Variants in KCNB2 observed in about 807,000 individuals in gnomAD.
KCNB2 encodes the protein delayed rectifier potassium channel protein.
In KCNB2, 15 loss-of-function variants were observed where a neutral mutation model predicts 61.5. The observed-to-expected ratio is 0.24, with a 90% CI of 0.16 to 0.38. The LOEUF (loss-of-function observed/expected upper bound fraction) is 0.38, where lower values mean the gene tolerates loss of function less well. KCNB2 is among the 10% of genes least tolerant of loss of function. The pLI is 1.00. For missense variants in KCNB2, 828 were observed against 1,125.2 expected (o/e 0.74, Z 3.78); for synonymous variants, 457 against 446.0 (o/e 1.02, Z -0.31).
At chr8:72,722,674 G>T (rs540536275) in intron 2 of KCNB2, among the ~76,000 whole-genome samples, 2 of 152,302 alleles carry the variant, frequency 1.3e-5, no homozygotes, top group East Asian at 3.9e-4. Context: ...TGGACAAAAT[G>T]GTTCTAGGCA....
chr8:72,577,172 C>A (rs7010388), intron 2 of KCNB2, among the ~76,000 whole-genome samples: 70,896 of 151,984 alleles, frequency 0.47, 20,110 homozygotes, highest in Non-Finnish European at 0.62. Flanking sequence ...TTACTAAGGA[C>A]AGGTACCTGA....
chr8:72,674,153 A>T (rs1330222880), intron 2 of KCNB2, among the ~76,000 whole-genome samples: 1 of 152,202 alleles, frequency 6.6e-6, no homozygotes, highest in Non-Finnish European at 1.5e-5. Context: ...CATAACTCTG[A>T]ACCCTAAGCG....
chr8:72,537,374 TCCGC>T lies in KCNB2; in HGVS notation c.-602_-599del, dbSNP rs1806126278. 7.3e-6 allele frequency: 1 copy of T among 136,804 alleles called. No individual in the cohort carries two copies. Among genetic ancestry groups the T allele is most frequent in the Admixed American group, 7.2e-5 (1 of 13,832 alleles). 8.5% of individuals were successfully genotyped at this position (136,804 alleles called of 1,614,324 possible). ...ACCCACCGCCCTCCGCCCTCCGCCC[TCCGC>T]CCCCGCGGCCGCCGCCGCCGCTGCG... On this transcript the variant is annotated 5_prime_UTR_variant, in exon 1 of 3. Transcript: ENST00000523207.
chr8:72,728,434 C>A lies in KCNB2; in HGVS notation c.579+160121C>A, dbSNP rs56713361. 2.1e-3 allele frequency among the ~76,000 whole-genome samples: 320 copies of A among 152,170 alleles called. 7 individuals carry two copies. The East Asian group carries it at 0.05, about 24-fold the overall frequency. ...TGATCTATACATTCATCTATAAGAG[C>A]TAGATTAATGAATAATCATTCAGGA... is the stretch of plus-strand genomic sequence containing the variant. On this transcript the variant is annotated intron_variant, in intron 2 of 2. Transcript: ENST00000523207.
At chr8:72,848,813 T>C (rs1810043384) in intron 2 of KCNB2, among the ~76,000 whole-genome samples, 2 of 152,208 alleles carry the variant, frequency 1.3e-5, no homozygotes, top group African/African-American at 4.8e-5. Context: ...CTTATTAAGA[T>C]TCAGGCACTG....
chr8:72,895,445 T>C (rs937301061), intron 2 of KCNB2, among the ~76,000 whole-genome samples: 1 of 152,150 alleles, frequency 6.6e-6, no homozygotes, highest in Non-Finnish European at 1.5e-5. Context: ...AGGAAATGGA[T>C]TGTCTCCTAG....
chr8:72,751,367 AC>A (rs1563579791), intron 2 of KCNB2: 1 of 152,222 alleles, frequency 6.6e-6, no homozygotes, highest in Non-Finnish European at 1.5e-5. Flanking sequence ...ATATTTCATT[AC>A]AATGTTATAG....
At chr8:72,622,581 T>G (rs965712479) in intron 2 of KCNB2, among the ~76,000 whole-genome samples, 2 of 152,080 alleles carry the variant, frequency 1.3e-5, no homozygotes, top group African/African-American at 4.8e-5. Context: ...ATACTTTAGG[T>G]AAATTAAAAA....
rs73687025 is a variant in KCNB2 at position 72,927,009 on chromosome 8, G to C, written c.580-8926G>C. ...AGCATCAGAATCACCTGGAGAACTTGTTAAAACACAGATTGCTGGGACTTT... is the reference window on the plus strand; with the variant it reads ...AGCATCAGAATCACCTGGAGAACTTCTTAAAACACAGATTGCTGGGACTTT... On this transcript the variant is annotated intron_variant, in intron 2 of 2. Coordinates refer to ENST00000523207, the MANE Select transcript of KCNB2 (RefSeq NM_004770.3). Among the ~76,000 whole-genome samples the C allele has an allele frequency of 4.7e-3, 719 of 152,296 alleles. 10 individuals carry two copies. Among genetic ancestry groups the C allele is most frequent in the African/African-American group, 0.016 (680 of 41,540 alleles).
At chr8:72,762,352 G>A (rs1168603061) in intron 2 of KCNB2, among the ~76,000 whole-genome samples, 2 of 152,196 alleles carry the variant, frequency 1.3e-5, no homozygotes, top group East Asian at 1.9e-4. Flanking sequence ...CTGCTGACAT[G>A]TTTAGACAAA....
chr8:72,920,439 C>T (rs962103523), intron 2 of KCNB2, among the ~76,000 whole-genome samples: 1 of 63,622 alleles, frequency 1.6e-5, no homozygotes, highest in Non-Finnish European at 3.7e-5. Flanking sequence ...CCCCTCTCCA[C>T]TATATCTATC....
chr8:72,745,674 G>A (rs1420962296), intron 2 of KCNB2, among the ~76,000 whole-genome samples: 1 of 152,006 alleles, frequency 6.6e-6, no homozygotes, highest in Non-Finnish European at 1.5e-5. Flanking sequence ...TTTTTAATGG[G>A]GTTTTATTAA....
intron 2 of KCNB2, among the ~76,000 whole-genome samples, chr8:72,826,858 C>T (rs1435010465): frequency 2.0e-5 from 3 of 152,214 alleles, no homozygotes; most frequent in African/African-American, 7.2e-5. Context: ...TGCCTTTGCA[C>T]AATTTCTGTG....
At chr8:72,785,364 G>A (rs1356520891) in intron 2 of KCNB2, among the ~76,000 whole-genome samples, 6 of 152,124 alleles carry the variant, frequency 3.9e-5, no homozygotes, top group Admixed American at 3.9e-4. Flanking sequence ...AATTGCCTAC[G>A]TTTGTGTTAT....
At chr8:72,779,850 T>A (rs1301831353) in intron 2 of KCNB2, among the ~76,000 whole-genome samples, 1 of 152,216 alleles carries the variant, frequency 6.6e-6, no homozygotes, top group Non-Finnish European at 1.5e-5. Flanking sequence ...AAATGACTGC[T>A]GCTTCCCAGT....
chr8:72,811,683 G>A (rs1809308347), intron 2 of KCNB2, among the ~76,000 whole-genome samples: 1 of 152,046 alleles, frequency 6.6e-6, no homozygotes, highest in Admixed American at 6.5e-5. Context: ...TCTCATAAAG[G>A]GTTGCAGCCT....
chr8:72,556,634 T>A (rs1258767717), intron 1 of KCNB2, among the ~76,000 whole-genome samples: 1 of 152,166 alleles, frequency 6.6e-6, no homozygotes, highest in Non-Finnish European at 1.5e-5. Flanking sequence ...GTCCAATTTT[T>A]AAATTAATTC....
rs1464106564 is a variant in KCNB2 at position 72,730,431 on chromosome 8, TCATG to T, written c.579+162120_579+162123del. On this transcript the variant is annotated intron_variant, in intron 2 of 2. Coordinates refer to ENST00000523207, the MANE Select transcript of KCNB2 (RefSeq NM_004770.3). ...AATCATATTAGGAAATAACAGTGTA[TCATG>T]CTTATCTTAATGATTGATTAATTAT... Among the ~76,000 whole-genome samples, 6 of 152,340 alleles carry T rather than the reference TCATG, an allele frequency of 3.9e-5. No homozygotes were observed. In the South Asian group the frequency reaches 1.2e-3, roughly 32 times the overall value.
intron 2 of KCNB2, among the ~76,000 whole-genome samples, chr8:72,835,960 G>C (rs1359203797): frequency 2.0e-5 from 3 of 152,086 alleles, no homozygotes; most frequent in Non-Finnish European, 4.4e-5. Context: ...CTTTTTCCTT[G>C]TCTTTTTGTA....
Sources: allele counts gnomAD v4.1 joint callset (sites outside exome capture counted in the v4.1 genomes callset), GRCh38; gene constraint gnomAD v4.1.1; transcripts MANE v1.5; gene names NCBI Gene and HGNC (gene_info 2026-07-23, HGNC 2026-07-21).